Variants in CDYL2 observed in about 807,000 individuals in gnomAD.
CDYL2 encodes chromodomain Y-like protein 2.
Under a neutral mutation model 49.4 loss-of-function variants are expected in CDYL2, and 23 were observed. The observed-to-expected ratio is 0.47, with a 90% CI of 0.34 to 0.66. The LOEUF (loss-of-function observed/expected upper bound fraction) is 0.66. Ranked by LOEUF, CDYL2 falls within the 30% of genes least tolerant of loss-of-function variation. CDYL2 has a pLI of 0.01. For synonymous variants in CDYL2, 360 were observed against 268.8 expected (o/e 1.34, Z -3.32); for missense variants, 678 against 656.4 (o/e 1.03, Z -0.36).
chr16:80,786,523 A>C (rs894516389), intron 1 of CDYL2, among the ~76,000 whole-genome samples: 1 of 152,210 alleles, frequency 6.6e-6, no homozygotes, highest in African/African-American at 2.4e-5. Context: ...ATGGGAGTGT[A>C]AATCAGTCCA....
chr16:80,605,998 C>T (rs1179030991), intron 6 of CDYL2, among the ~76,000 whole-genome samples: 1 of 152,248 alleles, frequency 6.6e-6, no homozygotes, highest in African/African-American at 2.4e-5. Flanking sequence ...CTGCTGCCGC[C>T]CTCTGGCAGA....
chr16:80,734,895 C>T (rs1047975116), intron 1 of CDYL2, among the ~76,000 whole-genome samples: 3 of 152,138 alleles, frequency 2.0e-5, no homozygotes, highest in African/African-American at 7.2e-5. Context: ...ACTGACAATC[C>T]TTGGTCCTCC....
At chr16:80,690,339 G>A (rs562550396) in intron 1 of CDYL2, among the ~76,000 whole-genome samples, 107 of 151,986 alleles carry the variant, frequency 7.0e-4, no homozygotes, top group Middle Eastern at 3.4e-3. Context: ...TTCCAAGCAA[G>A]GGAGACCACC....
intron 1 of CDYL2, among the ~76,000 whole-genome samples, chr16:80,744,099 TAAAG>T (rs1218772708): frequency 3.3e-5 from 5 of 152,090 alleles, no homozygotes; most frequent in Non-Finnish European, 7.4e-5. Context: ...GTTTGGAAAA[TAAAG>T]AAACTGAAGC....
chr16:80,788,434 C>T (rs1428047666), intron 1 of CDYL2, among the ~76,000 whole-genome samples: 3 of 152,234 alleles, frequency 2.0e-5, no homozygotes, highest in African/African-American at 7.2e-5. Context: ...CTCTCTTGAA[C>T]AATACAACAG....
chr16:80,707,140 T>A (rs1425944694), intron 1 of CDYL2, among the ~76,000 whole-genome samples: 2 of 152,152 alleles, frequency 1.3e-5, no homozygotes, highest in South Asian at 4.1e-4. Context: ...TTGCATTTCA[T>A]GCTAAAAAAA....
Position 80,612,269 on chromosome 16 carries a change from C to G in CDYL2, c.1218+357G>C, listed in dbSNP as rs1906633319. ...TGGGTCCCCAGAGAGTGTGGGTGGCCCCTACACCTATGCTGGACCACTCAA... is the reference window on the plus strand; with the variant it reads ...TGGGTCCCCAGAGAGTGTGGGTGGCGCCTACACCTATGCTGGACCACTCAA... On this transcript the variant is annotated intron_variant, in intron 5 of 6. Transcript: ENST00000570137. The surrounding 1 kb of genome is among the most constrained non-coding windows in gnomAD (Gnocchi z 5.0). Among the ~76,000 whole-genome samples the G allele has an allele frequency of 6.6e-6, 1 of 152,118 alleles. No individual in the cohort carries two copies. The highest frequency in any genetic ancestry group is 1.5e-5 in the Non-Finnish European group (1 of 68,020).
At chr16:80,725,823 C>G (rs1276797578) in intron 1 of CDYL2, among the ~76,000 whole-genome samples, 1 of 152,210 alleles carries the variant, frequency 6.6e-6, no homozygotes, top group Non-Finnish European at 1.5e-5. Flanking sequence ...AATTCTACGA[C>G]CCGGATGAGG....
intron 1 of CDYL2, among the ~76,000 whole-genome samples, chr16:80,720,362 C>G (rs1024744325): frequency 6.6e-6 from 1 of 152,192 alleles, no homozygotes; most frequent in African/African-American, 2.4e-5. Flanking sequence ...GATTTGATGT[C>G]AATCCCTGCC....
At chr16:80,626,226 G>A (rs991091127) in intron 3 of CDYL2, among the ~76,000 whole-genome samples, 4 of 138,262 alleles carry the variant, frequency 2.9e-5, no homozygotes, top group Admixed American at 7.7e-5. Flanking sequence ...GCAGTGAACC[G>A]AGATCGTACC....
At chr16:80,730,970 T>C (rs113166905) in intron 1 of CDYL2, among the ~76,000 whole-genome samples, 4 of 152,136 alleles carry the variant, frequency 2.6e-5, no homozygotes, top group Non-Finnish European at 4.4e-5. Context: ...AAAGAGTAGA[T>C]AGATTACAAG....
chr16:80,661,567 G>T (rs2142435569), intron 2 of CDYL2, among the ~76,000 whole-genome samples: 1 of 152,248 alleles, frequency 6.6e-6, no homozygotes, highest in Admixed American at 6.5e-5. Context: ...CAGCATGAGG[G>T]TCAAACTCCA....
At chr16:80,610,218 A>C (rs1906533516) in intron 5 of CDYL2, among the ~76,000 whole-genome samples, 1 of 152,202 alleles carries the variant, frequency 6.6e-6, no homozygotes, top group African/African-American at 2.4e-5. Flanking sequence ...GCAGGCCCTC[A>C]GATGGAAACA....
At chr16:80,627,094 T>A (rs1907338929) in intron 3 of CDYL2, among the ~76,000 whole-genome samples, 1 of 152,182 alleles carries the variant, frequency 6.6e-6, no homozygotes, top group African/African-American at 2.4e-5. Flanking sequence ...TCAATCTGAA[T>A]TGAGAATCTC....
chr16:80,658,045 G>A (rs1401602029), intron 2 of CDYL2, among the ~76,000 whole-genome samples: 5 of 148,628 alleles, frequency 3.4e-5, no homozygotes, highest in Non-Finnish European at 7.4e-5. Flanking sequence ...AGGTGGAAAA[G>A]TACTTTACCT....
At chr16:80,782,127 A>ATAAATCTTTCGCTAGACTGAC (rs1487012483) in intron 1 of CDYL2, among the ~76,000 whole-genome samples, 2 of 152,062 alleles carry the variant, frequency 1.3e-5, no homozygotes, top group South Asian at 2.1e-4. Flanking sequence ...AACAAAATTA[A>ATAAATCTTTCGCTAGACTGAC]TAAAGAAAAA....
At chr16:80,719,056 C>A (rs1385276380) in intron 1 of CDYL2, among the ~76,000 whole-genome samples, 2 of 152,186 alleles carry the variant, frequency 1.3e-5, no homozygotes, top group Non-Finnish European at 2.9e-5. Flanking sequence ...TCCTGAGATT[C>A]CCCAGGGACT....
chr16:80,670,122 C>T (rs1411543483), intron 2 of CDYL2, among the ~76,000 whole-genome samples: 1 of 152,212 alleles, frequency 6.6e-6, no homozygotes, highest in African/African-American at 2.4e-5. Context: ...CCTCTCATTT[C>T]CTGTCTTCTT....
At chr16:80,789,487 C>T (rs1047375368) in intron 1 of CDYL2, among the ~76,000 whole-genome samples, 1 of 152,046 alleles carries the variant, frequency 6.6e-6, no homozygotes. Context: ...GTAATCCCAG[C>T]TACTCAGGAG....
Sources: gnomAD v4.1 joint callset for allele counts (sites outside exome capture counted in the v4.1 genomes callset) on GRCh38, gnomAD v4.1.1 for gene constraint, Gnocchi (gnomAD v3.1) non-coding constraint, MANE v1.5 for transcripts, NCBI Gene and HGNC (gene_info 2026-07-23, HGNC 2026-07-21) for gene names.